The following KCNN2 variants were observed in gnomAD, a reference collection of about 807,000 sequenced individuals.
KCNN2 encodes the protein small conductance calcium-activated potassium channel protein 2.
In KCNN2, 24 loss-of-function variants were observed where a neutral mutation model predicts 55.5. That is an observed-to-expected ratio of 0.43 (90% CI 0.31 to 0.61). KCNN2 has a LOEUF of 0.61. Among genes scored for constraint, KCNN2 ranks in the 20% least tolerant of loss-of-function variants. The probability of loss-of-function intolerance (pLI) is 0.08; values close to 1 mark genes in which losing one functional copy is unlikely to be tolerated. For synonymous variants in KCNN2, 431 were observed against 336.1 expected (o/e 1.28, Z -3.09); for missense variants, 754 against 853.6 (o/e 0.88, Z 1.45).
chr5:114,341,780 G>C (rs976898987), intron 2 of KCNN2, among the ~76,000 whole-genome samples: 2 of 152,006 alleles, frequency 1.3e-5, no homozygotes, highest in African/African-American at 4.8e-5. Context: ...CTTAGGTTTT[G>C]GTTTTATGGC....
chr5:114,473,607 T>C (rs1174971755), intron 5 of KCNN2, among the ~76,000 whole-genome samples: 3 of 152,180 alleles, frequency 2.0e-5, no homozygotes, highest in African/African-American at 2.4e-5. Flanking sequence ...AAGCCCAAGA[T>C]AGGGCCAGAA....
chr5:114,425,780 T>G (rs555176280), intron 3 of KCNN2, among the ~76,000 whole-genome samples: 1 of 152,200 alleles, frequency 6.6e-6, no homozygotes, highest in East Asian at 1.9e-4. Context: ...TAAGGGAAAA[T>G]AGATTGTCAA....
intron 2 of KCNN2, among the ~76,000 whole-genome samples, chr5:114,268,976 A>G (rs1392696336): frequency 2.0e-5 from 3 of 151,674 alleles, no homozygotes; most frequent in East Asian, 3.9e-4. Flanking sequence ...GAGAGAATGG[A>G]AGGTGCACGG....
chr5:114,265,674 G>A (rs10065785), intron 2 of KCNN2, among the ~76,000 whole-genome samples: 72,205 of 151,998 alleles, frequency 0.48, 17,539 homozygotes, highest in East Asian at 0.78. Context: ...TGCTCCATCC[G>A]TGGCTTCAAA....
At chr5:114,105,033 A>G (rs1751454015) in intron 1 of KCNN2, among the ~76,000 whole-genome samples, 1 of 152,060 alleles carries the variant, frequency 6.6e-6, no homozygotes, top group Non-Finnish European at 1.5e-5. Flanking sequence ...TGAACGTGTT[A>G]AATTGCAACA....
At chr5:114,494,992 A>T (rs957947484) in intron 7 of KCNN2, among the ~76,000 whole-genome samples, 1 of 152,140 alleles carries the variant, frequency 6.6e-6, no homozygotes, top group African/African-American at 2.4e-5. Flanking sequence ...CTAAACTAAG[A>T]TTAAAACCTT....
chr5:114,284,273 A>C (rs1048003231), intron 2 of KCNN2, among the ~76,000 whole-genome samples: 22 of 152,226 alleles, frequency 1.4e-4, no homozygotes, highest in Non-Finnish European at 2.9e-5. Flanking sequence ...CAAAAGGGTT[A>C]GTGCAAATCA....
Position 114,493,457 on chromosome 5 carries a change from G to T in KCNN2, c.2073G>T (p.Leu691Phe), listed in dbSNP as rs779338302. 2 of 1,610,478 alleles carry T rather than the reference G, an allele frequency of 1.2e-6. No individual in the cohort carries two copies. Among genetic ancestry groups the T allele is most frequent in the South Asian group, 1.1e-5 (1 of 91,016 alleles). ...AACTGAATGACCAAGCAAACACTTTGGTGGACTTGGCAAAGGTAAGCCTGA... is the reference window on the plus strand; with the variant it reads ...AACTGAATGACCAAGCAAACACTTTTGTGGACTTGGCAAAGGTAAGCCTGA... ...QRKLNDQANTLVDLAKTQNIM... is the reference protein window; with the variant it reads ...QRKLNDQANTFVDLAKTQNIM... The change falls in exon 7 of 8, where the codon TTG (leucine) becomes TTT (phenylalanine). Residue 691 changes from leucine to phenylalanine, a missense_variant. This residue lies in a region of KCNN2 where 164 missense variants were observed against 156.6 expected (regional missense o/e 1.05). Transcript: ENST00000673685.
At chr5:114,242,652 C>G (rs571390052) in intron 2 of KCNN2, among the ~76,000 whole-genome samples, 2 of 151,972 alleles carry the variant, frequency 1.3e-5, no homozygotes, top group Non-Finnish European at 2.9e-5. Flanking sequence ...TTAGAAAGAG[C>G]AAGAAGGACA....
chr5:114,366,931 G>A (rs1393151498), intron 2 of KCNN2, among the ~76,000 whole-genome samples: 1 of 152,210 alleles, frequency 6.6e-6, no homozygotes, highest in Non-Finnish European at 1.5e-5. Flanking sequence ...TAGCATATCA[G>A]TATGATAATC....
intron 2 of KCNN2, among the ~76,000 whole-genome samples, chr5:114,299,547 G>T (rs1487139181): frequency 6.6e-6 from 1 of 152,032 alleles, no homozygotes; most frequent in Non-Finnish European, 1.5e-5. Flanking sequence ...GTTTCTTTCT[G>T]GGGGGATAGG....
intron 2 of KCNN2, among the ~76,000 whole-genome samples, chr5:114,235,288 T>G (rs919484685): frequency 1.3e-5 from 2 of 152,232 alleles, no homozygotes; most frequent in African/African-American, 2.4e-5. Flanking sequence ...TTATTTAGTT[T>G]CATTATAAAA....
intron 1 of KCNN2, among the ~76,000 whole-genome samples, chr5:114,115,174 A>G (rs984340002): frequency 6.6e-5 from 10 of 152,148 alleles, no homozygotes; most frequent in African/African-American, 2.4e-4. Flanking sequence ...ATTCCATATG[A>G]TTGATTTTAT....
chr5:114,098,012 C>T (rs1407740381), intron 1 of KCNN2, among the ~76,000 whole-genome samples: 5 of 152,102 alleles, frequency 3.3e-5, no homozygotes, highest in East Asian at 3.9e-4. Flanking sequence ...ATTAAGGTGT[C>T]GGAAAGGCTG....
At position 114,404,656 on chromosome 5, in the gene KCNN2, T is replaced by C. The variant is rs898315823; in HGVS notation, c.1437T>C (p.Tyr479=). The C allele has an allele frequency of 2.5e-6, 4 of 1,613,682 alleles. No homozygotes were observed. In the East Asian group the frequency reaches 8.9e-5, roughly 36 times the overall value. The part of the protein sequence containing the change: ...ILSIPMFLRL[Y]LIARVMLLHS... The stretch of plus-strand genomic sequence containing the variant: ...CTATACCAATGTTCTTAAGACTCTA[T>C]CTGATTGCCAGAGTCATGCTTTTAC... The change falls in exon 3 of 8, where the codon TAT becomes TAC. Residue 479 remains tyrosine, a synonymous_variant. Coordinates refer to ENST00000673685, the MANE Select transcript of KCNN2 (RefSeq NM_021614.4).
intron 2 of KCNN2, among the ~76,000 whole-genome samples, chr5:114,303,913 T>C (rs1195101950): frequency 1.3e-5 from 2 of 152,206 alleles, no homozygotes; most frequent in Admixed American, 1.3e-4. Context: ...GAATCAATTC[T>C]ATACACAGCA....
intron 1 of KCNN2, among the ~76,000 whole-genome samples, chr5:114,066,113 G>T (rs530932595): frequency 2.6e-5 from 4 of 152,032 alleles, no homozygotes; most frequent in Admixed American, 6.5e-5. Flanking sequence ...TGTTTGCATT[G>T]GTTTCTCAGC....
chr5:114,286,636 G>A (rs1237250803), intron 2 of KCNN2, among the ~76,000 whole-genome samples: 1 of 152,004 alleles, frequency 6.6e-6, no homozygotes, highest in Non-Finnish European at 1.5e-5. Context: ...AGGGAGAAGA[G>A]GGGAGTTGTT....
chr5:114,313,288 A>G (rs1756441001), intron 2 of KCNN2, among the ~76,000 whole-genome samples: 1 of 152,178 alleles, frequency 6.6e-6, no homozygotes, highest in Non-Finnish European at 1.5e-5. Flanking sequence ...ATTAACTTCA[A>G]GGAACATTTA....
Sources: allele counts gnomAD v4.1 joint callset (sites outside exome capture counted in the v4.1 genomes callset), GRCh38; gene constraint gnomAD v4.1.1; regional missense constraint gnomAD v4.1.1; transcripts MANE v1.5; gene names NCBI Gene and HGNC (gene_info 2026-07-23, HGNC 2026-07-21).